The following GOLM2 variants were observed in gnomAD, a reference collection of about 807,000 sequenced individuals.
GOLM2 encodes the protein golgi membrane protein 2.
GOLM2 carries 26 observed loss-of-function variants against 55.9 expected under a neutral mutation model. That is an observed-to-expected ratio of 0.47 (90% CI 0.34 to 0.65). The LOEUF (loss-of-function observed/expected upper bound fraction) is 0.65, where lower values mean the gene tolerates loss of function less well. Among genes scored for constraint, GOLM2 ranks in the 30% least tolerant of loss-of-function variants. The probability of loss-of-function intolerance (pLI) is 0.01; values close to 1 mark genes in which losing one functional copy is unlikely to be tolerated. For synonymous variants in GOLM2, 165 were observed against 194.6 expected, an observed-to-expected ratio of 0.85 and a Z score of 1.27; for missense variants, 486 against 531.8, an observed-to-expected ratio of 0.91 and a Z score of 0.85.
At chr15:44,386,120 A>C (rs942958302) in intron 8 of GOLM2, among the ~76,000 whole-genome samples, 1 of 152,174 alleles carries the variant, frequency 6.6e-6, no homozygotes, top group Non-Finnish European at 1.5e-5. Flanking sequence ...AAATCATGGT[A>C]ATGAAGATTT....
intron 6 of GOLM2, among the ~76,000 whole-genome samples, chr15:44,369,828 GT>G (rs2079318283): frequency 6.6e-6 from 1 of 151,824 alleles, no homozygotes; most frequent in Non-Finnish European, 1.5e-5. Flanking sequence ...TGTAACTTGA[GT>G]CCTAGAAGGA....
At chr15:44,298,926 A>G (rs945211650) in intron 1 of GOLM2, among the ~76,000 whole-genome samples, 1 of 152,172 alleles carries the variant, frequency 6.6e-6, no homozygotes, top group Admixed American at 6.5e-5. Flanking sequence ...TGGTATCCTT[A>G]TAAGAAAAAA....
intron 6 of GOLM2, among the ~76,000 whole-genome samples, chr15:44,359,138 A>C (rs2079218241): frequency 6.6e-6 from 1 of 151,852 alleles, no homozygotes; most frequent in South Asian, 2.1e-4. Flanking sequence ...TGACAGAGCG[A>C]GACTCTGTCT....
intron 6 of GOLM2, among the ~76,000 whole-genome samples, chr15:44,373,062 T>C (rs1285113855): frequency 6.6e-6 from 1 of 152,248 alleles, no homozygotes; most frequent in Non-Finnish European, 1.5e-5. Flanking sequence ...TTATGTTCTA[T>C]AACTTTTGTT....
intron 1 of GOLM2, among the ~76,000 whole-genome samples, chr15:44,306,949 T>A (rs1015170221): frequency 6.6e-6 from 1 of 152,136 alleles, no homozygotes; most frequent in African/African-American, 2.4e-5. Flanking sequence ...ATTATAATAA[T>A]ATTGAAGGTC....
intron 1 of GOLM2, chr15:44,307,719 C>CA (rs977727006): frequency 2.0e-5 from 3 of 152,092 alleles, no homozygotes; most frequent in Non-Finnish European, 2.9e-5. Context: ...ATCCATAATG[C>CA]ATGATTAAAT....
At chr15:44,374,979 C>T (rs2079354377) in intron 6 of GOLM2, among the ~76,000 whole-genome samples, 1 of 151,968 alleles carries the variant, frequency 6.6e-6, no homozygotes, top group Non-Finnish European at 1.5e-5. Flanking sequence ...ATGAAGAGGA[C>T]CGGGTTAAAA....
At chr15:44,326,744 C>T (rs541426383) in intron 2 of GOLM2, among the ~76,000 whole-genome samples, 1 of 150,140 alleles carries the variant, frequency 6.7e-6, no homozygotes, top group African/African-American at 2.5e-5. Flanking sequence ...CTCCGCCACT[C>T]GGGTTCAAGT....
intron 3 of GOLM2, among the ~76,000 whole-genome samples, chr15:44,331,540 G>A (rs2079022395): frequency 6.6e-6 from 1 of 152,046 alleles, no homozygotes; most frequent in South Asian, 2.1e-4. Flanking sequence ...CTATGGTTTA[G>A]CCTTTTATTA....
At chr15:44,372,941 G>T (rs1209744739) in intron 6 of GOLM2, among the ~76,000 whole-genome samples, 1 of 152,104 alleles carries the variant, frequency 6.6e-6, no homozygotes, top group Non-Finnish European at 1.5e-5. Context: ...CTGCTCAAAT[G>T]ATTCCTCCTC....
At chr15:44,408,787 C>G (rs1298497844) in intron 9 of GOLM2, among the ~76,000 whole-genome samples, 1 of 152,078 alleles carries the variant, frequency 6.6e-6, no homozygotes, top group Non-Finnish European at 1.5e-5. Flanking sequence ...TGGTGAAACC[C>G]CGTCTCTACT....
In GOLM2 at chr15:44,365,880, C is replaced by G. The variant is rs907430543; in HGVS notation, c.803-13810C>G. ...GCCAGTGTAAGTTCATCAGTTTTAA[C>G]AAATGTACCACTTTGGTAGGGGATG... On this transcript the variant is annotated intron_variant, in intron 6 of 9. Coordinates refer to ENST00000299957, the MANE Select transcript of GOLM2 (RefSeq NM_138423.4). Among the ~76,000 whole-genome samples the G allele has an allele frequency of 2.6e-5, 4 of 152,156 alleles. 1 individual carries two copies. In the South Asian group the frequency reaches 8.3e-4, roughly 32 times the overall value.
At chr15:44,401,603 A>G (rs1203017374) in intron 8 of GOLM2, among the ~76,000 whole-genome samples, 2 of 152,094 alleles carry the variant, frequency 1.3e-5, no homozygotes, top group East Asian at 3.9e-4. Flanking sequence ...CTATCACAGA[A>G]AGTTGTTAAA....
intron 2 of GOLM2, among the ~76,000 whole-genome samples, chr15:44,324,713 C>G (rs556267381): frequency 6.6e-6 from 1 of 151,770 alleles, no homozygotes; most frequent in Non-Finnish European, 1.5e-5. Context: ...ATGCCTGTTA[C>G]TGAAAGAAAG....
intron 8 of GOLM2, among the ~76,000 whole-genome samples, chr15:44,395,299 C>T (rs1237550704): frequency 1.3e-5 from 2 of 151,734 alleles, no homozygotes; most frequent in East Asian, 1.9e-4. Flanking sequence ...TGAGCCACTG[C>T]GCCCGGCCAA....
chr15:44,294,443 G>A (rs926000889), intron 1 of GOLM2, among the ~76,000 whole-genome samples: 4 of 152,158 alleles, frequency 2.6e-5, no homozygotes, highest in South Asian at 2.1e-4. Flanking sequence ...GGCCAGACAC[G>A]GTGGCTCACG....
intron 6 of GOLM2, among the ~76,000 whole-genome samples, chr15:44,343,647 G>A (rs2079103249): frequency 6.6e-6 from 1 of 151,440 alleles, no homozygotes; most frequent in Non-Finnish European, 1.5e-5. Context: ...CCAACATGGT[G>A]AAACCCCGTC....
intron 6 of GOLM2, among the ~76,000 whole-genome samples, chr15:44,342,138 C>T (rs556301181): frequency 1.3e-5 from 2 of 152,138 alleles, no homozygotes; most frequent in Admixed American, 6.5e-5. Context: ...AAAAACACCA[C>T]GTGTATTAAC....
chr15:44,302,960 G>A (rs374646939), intron 1 of GOLM2, among the ~76,000 whole-genome samples: 8 of 151,988 alleles, frequency 5.3e-5, no homozygotes, highest in Admixed American at 2.0e-4. Flanking sequence ...AAAATTAGCC[G>A]GGCGTAGTGG....
Sources: allele counts gnomAD v4.1 joint callset (sites outside exome capture counted in the v4.1 genomes callset), GRCh38; gene constraint gnomAD v4.1.1; transcripts MANE v1.5; gene names NCBI Gene and HGNC (gene_info 2026-07-23, HGNC 2026-07-21).